SNAP23: variants seen among roughly 807,000 people sequenced by gnomAD.
SNAP23 encodes the protein synaptosome associated protein 23.
Under a neutral mutation model 29.0 loss-of-function variants are expected in SNAP23, and 11 were observed. The observed-to-expected ratio is 0.38, with a 90% confidence interval of 0.24 to 0.63. The LOEUF (loss-of-function observed/expected upper bound fraction) is 0.63, where lower values mean the gene tolerates loss of function less well. Among genes scored for constraint, SNAP23 ranks in the 20% least tolerant of loss-of-function variants. SNAP23 has a pLI of 0.58. For missense variants in SNAP23, 220 were observed against 253.9 expected (o/e 0.87, Z 0.91); for synonymous variants, 60 against 82.9 (o/e 0.72, Z 1.50).
At chr15:42,511,798 T>G (rs781299181) in intron 1 of SNAP23, 35 bp from the exon 2 acceptor site, 1 of 1,302,252 alleles carries the variant, frequency 7.7e-7, no homozygotes, top group East Asian at 2.4e-5. Flanking sequence ...CTTATTCTTA[T>G]ACAATATCCA....
At chr15:42,515,793 T>C (rs1237571254) in intron 5 of SNAP23, among the ~76,000 whole-genome samples, 1 of 152,158 alleles carries the variant, frequency 6.6e-6, no homozygotes, top group Admixed American at 6.5e-5. Context: ...GATTATATGA[T>C]AGTGAGCAAG....
intron 5 of SNAP23, among the ~76,000 whole-genome samples, chr15:42,517,706 C>T (rs1164162653): frequency 1.3e-5 from 2 of 152,110 alleles, no homozygotes; most frequent in African/African-American, 4.8e-5. Context: ...CTCAGTGGAT[C>T]AAGAGAAGGC....
intron 1 of SNAP23, among the ~76,000 whole-genome samples, chr15:42,500,469 A>G (rs1293539183): frequency 6.7e-6 from 1 of 148,716 alleles, no homozygotes; most frequent in South Asian, 2.1e-4. Flanking sequence ...GCTCACCGCA[A>G]CCTCTGCCTC....
At chr15:42,519,802 G>A (rs1416072985) in intron 5 of SNAP23, among the ~76,000 whole-genome samples, 2 of 151,772 alleles carry the variant, frequency 1.3e-5, no homozygotes, top group Non-Finnish European at 2.9e-5. Context: ...CACACGCAAC[G>A]TCACTACAGA....
intron 5 of SNAP23, among the ~76,000 whole-genome samples, chr15:42,527,749 G>C (rs2057517409): frequency 6.6e-6 from 1 of 151,964 alleles, no homozygotes; most frequent in Non-Finnish European, 1.5e-5. Flanking sequence ...GCCTCCCAAA[G>C]TGCTGGGAGT....
chr15:42,499,169 A>G (rs2057247747), intron 1 of SNAP23, among the ~76,000 whole-genome samples: 1 of 151,982 alleles, frequency 6.6e-6, no homozygotes, highest in South Asian at 2.1e-4. Context: ...CCCGGGTTCA[A>G]GCGATTCTCC....
intron 7 of SNAP23, among the ~76,000 whole-genome samples, chr15:42,530,057 C>T (rs1202088761): frequency 1.3e-5 from 2 of 152,182 alleles, no homozygotes; most frequent in African/African-American, 2.4e-5. Context: ...TAAACCTTCA[C>T]ACATGAAGCT....
At chr15:42,516,025 A>G (rs2057393920) in intron 5 of SNAP23, among the ~76,000 whole-genome samples, 1 of 150,456 alleles carries the variant, frequency 6.6e-6, no homozygotes, top group South Asian at 2.2e-4. Context: ...TGTGTGACTC[A>G]TGTAGATGAG....
chr15:42,515,046 G>A (rs2057387322), intron 4 of SNAP23, among the ~76,000 whole-genome samples, 191 bp from the exon 5 acceptor site: 1 of 152,140 alleles, frequency 6.6e-6, no homozygotes, highest in Non-Finnish European at 1.5e-5. Flanking sequence ...AAGAGGCTAG[G>A]TGCCTCCGGA....
intron 5 of SNAP23, among the ~76,000 whole-genome samples, chr15:42,515,850 A>C (rs910249454): frequency 8.1e-4 from 123 of 152,342 alleles, no homozygotes; most frequent in African/African-American, 2.8e-3. Flanking sequence ...GGCTAGGTAT[A>C]CAGAACTGAT....
intron 5 of SNAP23, among the ~76,000 whole-genome samples, chr15:42,516,440 C>T (rs1488214226): frequency 6.6e-6 from 1 of 152,138 alleles, no homozygotes; most frequent in Admixed American, 6.5e-5. Flanking sequence ...AGTGATTTCT[C>T]CTGCCTCAGC....
At position 42,497,570 on chromosome 15, in the gene SNAP23, C is replaced by T. The variant is rs180677933; in HGVS notation, c.-15+1857C>T. 4.6e-5 allele frequency among the ~76,000 whole-genome samples: 7 copies of T among 152,160 alleles called. No individual in the cohort carries two copies. The East Asian group carries it at 9.7e-4, about 21-fold the overall frequency. On this transcript the variant is annotated intron_variant, in intron 1 of 7. Coordinates refer to ENST00000249647, the MANE Select transcript of SNAP23 (RefSeq NM_003825.4). ...CTATTGGCCAGGCTGGTCTCAAACG[C>T]CTGACCTCATGATCCACCCACCTCA...
chr15:42,522,028 T>C (rs1316872622), intron 5 of SNAP23: 1 of 172,478 alleles, frequency 5.8e-6, no homozygotes, highest in Non-Finnish European at 1.2e-5. Context: ...AGGGAAGTCA[T>C]GCTAAATGCT....
intron 1 of SNAP23, 92 bp from the exon 2 acceptor site, chr15:42,511,741 A>G: frequency 1.6e-6 from 1 of 617,092 alleles, no homozygotes; most frequent in African/African-American, 1.9e-5. Flanking sequence ...ATAAGTTCCT[A>G]AATTCCATAA....
intron 5 of SNAP23, chr15:42,521,806 T>G: frequency 2.2e-6 from 1 of 460,992 alleles, no homozygotes; most frequent in Non-Finnish European, 3.9e-6. Flanking sequence ...TAAAGTGAAT[T>G]TGTTCTTGAT....
chr15:42,516,539 C>T (rs1228804169), intron 5 of SNAP23, among the ~76,000 whole-genome samples: 1 of 152,062 alleles, frequency 6.6e-6, no homozygotes, highest in Non-Finnish European at 1.5e-5. Context: ...CTATGTTGGC[C>T]AGGATGGTCT....
At chr15:42,514,928 C>T (rs111376073) in intron 4 of SNAP23, among the ~76,000 whole-genome samples, 3 of 151,794 alleles carry the variant, frequency 2.0e-5, no homozygotes, top group African/African-American at 7.2e-5. Flanking sequence ...TCTTGAATTC[C>T]TGACCTCAGG....
At chr15:42,513,248 G>A in intron 3 of SNAP23, 151 bp from the exon 4 acceptor site, 1 of 787,312 alleles carries the variant, frequency 1.3e-6, no homozygotes, top group Non-Finnish European at 2.3e-6. Context: ...CTATGTTAAA[G>A]TGTGTTAGTT....
At chr15:42,511,183 A>T (rs371091975) in intron 1 of SNAP23, among the ~76,000 whole-genome samples, 152 of 152,292 alleles carry the variant, frequency 1.0e-3, no homozygotes, top group African/African-American at 3.5e-3. Context: ...GTTACTGTGT[A>T]TAGGAGAATA....
Sources: gnomAD v4.1 joint callset for allele counts (sites outside exome capture counted in the v4.1 genomes callset) on GRCh38, gnomAD v4.1.1 for gene constraint, MANE v1.5 for transcripts, NCBI Gene and HGNC (gene_info 2026-07-23, HGNC 2026-07-21) for gene names.